The following ADAM12 variants were observed in gnomAD, a reference collection of about 807,000 sequenced individuals.
ADAM12 encodes ADAM metallopeptidase domain 12.
ADAM12 carries 70 observed loss-of-function variants against 106.4 expected under a neutral mutation model. The observed-to-expected ratio is 0.66, with a 90% CI of 0.54 to 0.80. The LOEUF is 0.80. Among genes scored for constraint, ADAM12 ranks in the 30% least tolerant of loss-of-function variants. The probability of loss-of-function intolerance (pLI) is 0.00; values close to 1 mark genes in which losing one functional copy is unlikely to be tolerated. For missense variants in ADAM12, 1,010 were observed against 1,171.9 expected (o/e 0.86, Z 2.02); for synonymous variants, 420 against 433.5 (o/e 0.97, Z 0.39).
intron 3 of ADAM12, among the ~76,000 whole-genome samples, chr10:126,235,119 C>T (rs180692380): frequency 6.5e-4 from 99 of 152,278 alleles, no homozygotes; most frequent in Admixed American, 2.4e-3. Context: ...CCTCACAGGT[C>T]GATGAGTCCA....
intron 3 of ADAM12, among the ~76,000 whole-genome samples, chr10:126,168,491 G>A (rs1305392784): frequency 6.6e-6 from 1 of 152,084 alleles, no homozygotes; most frequent in Non-Finnish European, 1.5e-5. Context: ...CCCATATTAT[G>A]TACTCAGCAA....
chr10:126,180,981 G>A (rs1328645843), intron 3 of ADAM12, among the ~76,000 whole-genome samples: 1 of 152,080 alleles, frequency 6.6e-6, no homozygotes, highest in African/African-American at 2.4e-5. Context: ...AACAGTCAAT[G>A]CTATTTCATG....
At chr10:126,205,061 T>C (rs1012448522) in intron 3 of ADAM12, among the ~76,000 whole-genome samples, 1 of 152,132 alleles carries the variant, frequency 6.6e-6, no homozygotes, top group Admixed American at 6.5e-5. Context: ...TTGGGAAAGA[T>C]GGTACCTTTC....
At chr10:126,055,880 C>G (rs116573954) in intron 14 of ADAM12, among the ~76,000 whole-genome samples, 2,903 of 152,312 alleles carry the variant, frequency 0.019, 85 homozygotes, top group African/African-American at 0.065. Flanking sequence ...CCCCCTGCAC[C>G]TGAGCATGCT....
intron 3 of ADAM12, among the ~76,000 whole-genome samples, chr10:126,193,769 C>T (rs916769208): frequency 6.6e-6 from 1 of 151,996 alleles, no homozygotes; most frequent in Admixed American, 6.6e-5. Context: ...TGGTGGCGTG[C>T]GCCTGTAGTC....
chr10:126,301,559 C>G (rs1960625594), intron 2 of ADAM12, among the ~76,000 whole-genome samples: 1 of 152,018 alleles, frequency 6.6e-6, no homozygotes, highest in Non-Finnish European at 1.5e-5. Context: ...CATTTCTAGG[C>G]TAAATGAGGA....
At chr10:126,062,866 G>A (rs981021214) in intron 14 of ADAM12, among the ~76,000 whole-genome samples, 8 of 152,328 alleles carry the variant, frequency 5.3e-5, no homozygotes, top group African/African-American at 1.4e-4. Flanking sequence ...AGGCTGGGAC[G>A]GGGACGGCAC....
chr10:126,277,014 T>C (rs1259282215), intron 3 of ADAM12, among the ~76,000 whole-genome samples: 1 of 152,166 alleles, frequency 6.6e-6, no homozygotes, highest in Non-Finnish European at 1.5e-5. Flanking sequence ...TATGGAAATG[T>C]GTGTCCATTA....
At chr10:126,190,312 C>T (rs1212644856) in intron 3 of ADAM12, among the ~76,000 whole-genome samples, 1 of 151,986 alleles carries the variant, frequency 6.6e-6, no homozygotes, top group Admixed American at 6.6e-5. Context: ...GCAATTCTCC[C>T]GCCTCTGGCT....
chr10:126,340,888 T>A (rs2133868687), intron 1 of ADAM12, among the ~76,000 whole-genome samples: 1 of 152,216 alleles, frequency 6.6e-6, no homozygotes, highest in South Asian at 2.1e-4. Flanking sequence ...GCTAATTTTT[T>A]GTATTTTTGG....
chr10:126,298,086 C>T (rs1960460499), intron 2 of ADAM12, among the ~76,000 whole-genome samples: 1 of 151,950 alleles, frequency 6.6e-6, no homozygotes, highest in Admixed American at 6.6e-5. Flanking sequence ...TCACAAGTGC[C>T]CCTAGCTTAG....
At chr10:126,255,006 G>A (rs578039892) in intron 3 of ADAM12, among the ~76,000 whole-genome samples, 13 of 152,236 alleles carry the variant, frequency 8.5e-5, no homozygotes, top group African/African-American at 2.4e-4. Flanking sequence ...ACCAGCCCCC[G>A]GTGGCATTTG....
intron 2 of ADAM12, among the ~76,000 whole-genome samples, chr10:126,300,563 A>C (rs562254532): frequency 6.6e-6 from 1 of 152,362 alleles, no homozygotes; most frequent in East Asian, 1.9e-4. Context: ...TTTACGGCCA[A>C]GACACATTTT....
chr10:126,216,969 A>C (rs1361589399), intron 3 of ADAM12, among the ~76,000 whole-genome samples: 1 of 152,218 alleles, frequency 6.6e-6, no homozygotes, highest in Non-Finnish European at 1.5e-5. Context: ...ATCCCACATG[A>C]CAATTAAGGA....
intron 1 of ADAM12, among the ~76,000 whole-genome samples, chr10:126,359,213 G>T (rs1037539038): frequency 6.6e-6 from 1 of 152,090 alleles, no homozygotes; most frequent in Non-Finnish European, 1.5e-5. Context: ...ATGAGATTTG[G>T]GTGGGGACAC....
At chr10:126,125,517 A>G (rs1956191077) in intron 5 of ADAM12, among the ~76,000 whole-genome samples, 1 of 152,044 alleles carries the variant, frequency 6.6e-6, no homozygotes, top group South Asian at 2.1e-4. Context: ...TGCTGGAATT[A>G]CAGGCATGAG....
intron 3 of ADAM12, among the ~76,000 whole-genome samples, chr10:126,179,787 T>C (rs1957281003): frequency 6.6e-6 from 1 of 152,158 alleles, no homozygotes; most frequent in Non-Finnish European, 1.5e-5. Context: ...TAGTTATTGA[T>C]GCTGGGGTAG....
At chr10:126,289,809 C>T (rs1400003524) in intron 2 of ADAM12, among the ~76,000 whole-genome samples, 1 of 152,126 alleles carries the variant, frequency 6.6e-6, no homozygotes, top group Non-Finnish European at 1.5e-5. Context: ...GGACTGAGGG[C>T]CAATCTTTTA....
intron 8 of ADAM12, among the ~76,000 whole-genome samples, chr10:126,106,709 C>T (rs906925319): frequency 1.3e-5 from 2 of 152,102 alleles, no homozygotes; most frequent in Non-Finnish European, 2.9e-5. Flanking sequence ...TGGTCTCGAT[C>T]TCTTGACCTC....
Sources: allele counts gnomAD v4.1 joint callset (sites outside exome capture counted in the v4.1 genomes callset), GRCh38; gene constraint gnomAD v4.1.1; transcripts MANE v1.5; gene names NCBI Gene and HGNC (gene_info 2026-07-23, HGNC 2026-07-21).